The following FRYL variants were observed in gnomAD, a reference collection of about 807,000 sequenced individuals.
FRYL encodes FRY like transcription coactivator.
A neutral mutation model predicts 351.2 loss-of-function variants in FRYL; 150 were observed. That is an observed-to-expected ratio of 0.43 (90% CI 0.37 to 0.49). FRYL has a LOEUF of 0.49. Ranked by LOEUF, FRYL falls within the 20% of genes least tolerant of loss-of-function variation. The pLI is 0.00. For missense variants in FRYL, 3,036 were observed against 3,619.3 expected, an observed-to-expected ratio of 0.84 and a Z score of 4.13; for synonymous variants, 1,153 against 1,257.1, an observed-to-expected ratio of 0.92 and a Z score of 1.75.
intron 12 of FRYL, among the ~76,000 whole-genome samples, chr4:48,603,074 C>T (rs1295006446): frequency 2.0e-5 from 3 of 152,164 alleles, no homozygotes; most frequent in Non-Finnish European, 4.4e-5. Flanking sequence ...AGAAGGAAGT[C>T]TGAACAACTC....
chr4:48,515,955 G>A (rs1723501447), intron 55 of FRYL, among the ~76,000 whole-genome samples: 1 of 152,002 alleles, frequency 6.6e-6, no homozygotes, highest in Non-Finnish European at 1.5e-5. Context: ...GTATATTCCG[G>A]ATATAAGTAG....
At chr4:48,653,831 C>T in intron 3 of FRYL, 1 of 1,285,676 alleles carries the variant, frequency 7.8e-7, no homozygotes, top group Non-Finnish European at 1.0e-6. Flanking sequence ...GCAGCAGCAG[C>T]AGAAGCAGAA....
chr4:48,769,926 G>A (rs1394435699), intron 1 of FRYL, among the ~76,000 whole-genome samples: 1 of 152,148 alleles, frequency 6.6e-6, no homozygotes, highest in East Asian at 1.9e-4. Context: ...GAGGTAGGGG[G>A]GAACCTTGAG....
rs1737098520 is a variant in FRYL, at chr4:48,567,723, G to T, written c.2997-303C>A. ...AAACACACAGATTTCTAAATACAGA[G>T]ACAGGAGGCATATGAAATGGGGAGG... On this transcript the variant is annotated intron_variant, in intron 27 of 63. Transcript: ENST00000358350. The surrounding 1 kb of genome is among the most constrained non-coding windows in gnomAD (Gnocchi z 4.2). Among the ~76,000 whole-genome samples, 1 of 152,194 alleles carries T rather than the reference G, an allele frequency of 6.6e-6. No homozygotes were observed. The highest frequency in any genetic ancestry group is 2.4e-5 in the African/African-American group (1 of 41,438).
intron 3 of FRYL, among the ~76,000 whole-genome samples, chr4:48,655,701 T>C (rs1437720857): frequency 2.0e-5 from 3 of 147,016 alleles, no homozygotes; most frequent in African/African-American, 7.4e-5. Flanking sequence ...TATTATATAA[T>C]GTATATATAC....
At position 48,582,591 on chromosome 4, in the gene FRYL, G is replaced by A; in HGVS notation, c.1892C>T (p.Pro631Leu). ...FIVREVTDVH[P>L]TLLDNAVKML... The stretch of plus-strand genomic sequence containing the variant: ...CTTTACGGCATTATCAAGAAGTGTG[G>A]GATGGACATCAGTCACTTCACGAAC... The change falls in exon 20 of 64, where the codon CCC becomes CTC. Residue 631 changes from proline (P) to leucine (L), a missense_variant. Transcript: ENST00000358350. 1 of 1,613,748 alleles carries A rather than the reference G, an allele frequency of 6.2e-7. No homozygotes were observed. The highest frequency in any genetic ancestry group is 8.5e-7 in the Non-Finnish European group (1 of 1,179,758).
chr4:48,684,924 T>A (rs1158507476), intron 2 of FRYL, 129 bp from the exon 3 acceptor site: 1 of 152,242 alleles, frequency 6.6e-6, no homozygotes, highest in Non-Finnish European at 1.5e-5. Flanking sequence ...GAGATCCTCT[T>A]TCAATAATGT....
In FRYL at chr4:48,534,618, T is replaced by C; in HGVS notation, c.6632A>G (p.His2211Arg). 6.2e-7 allele frequency: 1 copy of C among 1,603,224 alleles called. No individual in the cohort carries two copies. Among genetic ancestry groups the C allele is most frequent in the African/African-American group, 1.3e-5 (1 of 74,834 alleles). The change falls in exon 49 of 64, where the codon CAT becomes CGT. Residue 2211 changes from histidine (H) to arginine (R), a missense_variant. Transcript: ENST00000358350. ...GGCTGGGGCTGCAGACAGGTCAATA[T>C]GACTCAATAGACTATAAATAATCTG... ...LLQIIYSLLS[H>R]IDLSAAPAKQ...
chr4:48,557,524 G>A lies in FRYL; in HGVS notation c.4054C>T (p.Arg1352Trp), dbSNP rs200781674. 2.1e-4 allele frequency: 331 copies of A among 1,613,890 alleles called. 1 individual carries two copies. The highest frequency in any genetic ancestry group is 2.0e-4 in the Non-Finnish European group (235 of 1,179,956). The change falls in exon 34 of 64, where the codon CGG (arginine) becomes TGG (tryptophan). Residue 1352 changes from arginine (R) to tryptophan (W), a missense_variant. By Grantham distance (101) the Arg-to-Trp change is moderately radical. Coordinates refer to ENST00000358350, the MANE Select transcript of FRYL (RefSeq NM_015030.2). ...ELMVTSRRWL[R>W]GEGWGSPQAT... ...TGTGGAGATCCCCATCCTTCTCCCC[G>A]TAACCAGCGCCTACTAGTCACCATA... is the stretch of plus-strand genomic sequence containing the variant.
At chr4:48,548,471 T>C (rs1228318049) in intron 40 of FRYL, among the ~76,000 whole-genome samples, 1 of 151,958 alleles carries the variant, frequency 6.6e-6, no homozygotes, top group Non-Finnish European at 1.5e-5. Context: ...GGCCATAAGA[T>C]AGGAATAGGA....
At chr4:48,603,209 T>C (rs1440993228) in intron 12 of FRYL, 81 bp downstream of exon 12, 1 of 1,001,026 alleles carries the variant, frequency 1.0e-6, no homozygotes, top group Non-Finnish European at 1.5e-6. Flanking sequence ...TTTACCATTC[T>C]CTTAAATTTC....
intron 1 of FRYL, among the ~76,000 whole-genome samples, chr4:48,734,861 A>T (rs1771136622): frequency 6.6e-6 from 1 of 152,230 alleles, no homozygotes; most frequent in East Asian, 1.9e-4. Context: ...TAAAACCATA[A>T]AAACTCTAGA....
chr4:48,505,494 G>GT (rs1553912640), intron 60 of FRYL, 53 bp downstream of exon 60: 1 of 1,027,214 alleles, frequency 9.7e-7, no homozygotes, highest in Non-Finnish European at 1.5e-6. Context: ...CACATGCATT[G>GT]TTTTACCTGA....
At chr4:48,628,805 G>A (rs1304899959) in intron 4 of FRYL, among the ~76,000 whole-genome samples, 19 of 151,714 alleles carry the variant, frequency 1.3e-4, no homozygotes, top group East Asian at 7.7e-4. Flanking sequence ...ATTATTATAC[G>A]TCAATTATTT....
intron 59 of FRYL, chr4:48,505,968 AAGAT>A (rs1720823236): frequency 5.5e-6 from 1 of 182,104 alleles, no homozygotes; most frequent in South Asian, 1.8e-4. Context: ...GGGGAAAGGA[AAGAT>A]GTGCTTCCCC....
rs1056091505 is a variant in FRYL, at chr4:48,498,248, G to T, written c.*1174C>A. The T allele has an allele frequency of 2.6e-5, 4 of 152,092 alleles. No homozygotes were observed. Among genetic ancestry groups the T allele is most frequent in the Non-Finnish European group, 4.4e-5 (3 of 68,016 alleles). The allele number at this position is 152,092 out of a possible 1,614,324, so 9.4% of individuals were successfully genotyped here. A position where few individuals can be genotyped will look rare whatever the true frequency, so the allele number is the denominator to read the frequency against. On this transcript the variant is annotated 3_prime_UTR_variant, in exon 64 of 64. Coordinates refer to ENST00000358350, the MANE Select transcript of FRYL (RefSeq NM_015030.2). ...CCCAGGTTTCTTTAGGGTAAAGCAT[G>T]TGAGTCCTGAATAAAGATACAAAAA...
intron 3 of FRYL, among the ~76,000 whole-genome samples, chr4:48,656,787 G>C (rs576933939): frequency 6.7e-6 from 1 of 150,266 alleles, no homozygotes; most frequent in Non-Finnish European, 1.5e-5. Context: ...TGGAACACAC[G>C]CAAGAAATTA....
chr4:48,513,125 T>A (rs1477614008), intron 56 of FRYL, among the ~76,000 whole-genome samples: 9 of 152,180 alleles, frequency 5.9e-5, no homozygotes, highest in African/African-American at 1.2e-4. Context: ...ATATGGATAA[T>A]TTCATTCAGT....
At chr4:48,741,567 G>A (rs1365422270) in intron 1 of FRYL, among the ~76,000 whole-genome samples, 1 of 152,000 alleles carries the variant, frequency 6.6e-6, no homozygotes, top group Non-Finnish European at 1.5e-5. Context: ...GCCAGGCATG[G>A]TTGGACATGA....
Sources: allele counts gnomAD v4.1 joint callset (sites outside exome capture counted in the v4.1 genomes callset), GRCh38; gene constraint gnomAD v4.1.1; non-coding constraint Gnocchi (gnomAD v3.1); transcripts MANE v1.5; gene names NCBI Gene and HGNC (gene_info 2026-07-23, HGNC 2026-07-21).